Variants in PPM1E observed in about 807,000 individuals in gnomAD.
PPM1E encodes protein phosphatase, Mg2+/Mn2+ dependent 1E.
In PPM1E, 20 loss-of-function variants were observed where a neutral mutation model predicts 65.9. The observed-to-expected ratio is 0.30, with a 90% CI of 0.21 to 0.44. The LOEUF (loss-of-function observed/expected upper bound fraction) is 0.44, where lower values mean the gene tolerates loss of function less well. Among genes scored for constraint, PPM1E ranks in the 20% least tolerant of loss-of-function variants. The probability of loss-of-function intolerance (pLI) is 1.00; values close to 1 mark genes in which losing one functional copy is unlikely to be tolerated. For synonymous variants in PPM1E, 352 were observed against 374.9 expected (o/e 0.94, Z 0.70); for missense variants, 713 against 953.1 (o/e 0.75, Z 3.32).
intron 1 of PPM1E, among the ~76,000 whole-genome samples, chr17:58,886,704 A>G (rs1040892926): frequency 2.0e-5 from 3 of 152,264 alleles, no homozygotes; most frequent in African/African-American, 7.2e-5. Flanking sequence ...GTGGAATACT[A>G]CTAAGCAATT....
chr17:58,764,040 A>T (rs1047449356), intron 1 of PPM1E, among the ~76,000 whole-genome samples: 3 of 152,054 alleles, frequency 2.0e-5, no homozygotes, highest in African/African-American at 4.8e-5. Flanking sequence ...GAATTTAGTT[A>T]AAAAAACTTA....
chr17:58,797,703 A>T (rs1417696078), intron 1 of PPM1E, among the ~76,000 whole-genome samples: 1 of 152,188 alleles, frequency 6.6e-6, no homozygotes, highest in Non-Finnish European at 1.5e-5. Flanking sequence ...TTTTGTGGAC[A>T]TGGCTTGTAT....
chr17:58,981,595 TAA>T lies in PPM1E; in HGVS notation c.*567_*568del, dbSNP rs1183308680. The T allele has an allele frequency of 6.6e-6, 1 of 152,652 alleles. No individual in the cohort carries two copies. The highest frequency in any genetic ancestry group is 1.5e-5 in the Non-Finnish European group (1 of 68,074). The allele number at this position is 152,652 out of a possible 1,614,324, so 9.5% of individuals were successfully genotyped here. A position where few individuals can be genotyped will look rare whatever the true frequency, so the allele number is the denominator to read the frequency against. On this transcript the variant is annotated 3_prime_UTR_variant, in exon 7 of 7. Transcript: ENST00000308249. Reference sequence around the variant, plus strand: ...TAACAATGAAAGTGGTAAATCAGTGTAAAAGTGTCATATTCTCAGACTTGTGA... The same window carrying T: ...TAACAATGAAAGTGGTAAATCAGTGTAAGTGTCATATTCTCAGACTTGTGA...
At chr17:58,792,743 CTTTTTTTTTTT>C (rs780992600) in intron 1 of PPM1E, among the ~76,000 whole-genome samples, 57 of 76,376 alleles carry the variant, frequency 7.5e-4, no homozygotes, top group Middle Eastern at 9.6e-3. Context: ...GAATTTTACT[CTTTTTTTTTTT>C]TTTTTTTTTT....
At chr17:58,771,508 C>A (rs1418534031) in intron 1 of PPM1E, among the ~76,000 whole-genome samples, 1 of 151,548 alleles carries the variant, frequency 6.6e-6, no homozygotes, top group Non-Finnish European at 1.5e-5. Context: ...CCTGTTGTCC[C>A]AGCTACTCAG....
At chr17:58,824,897 T>G (rs546053896) in intron 1 of PPM1E, among the ~76,000 whole-genome samples, 1 of 151,978 alleles carries the variant, frequency 6.6e-6, no homozygotes, top group South Asian at 2.1e-4. Context: ...TGTGAGCCAC[T>G]GCGCCCAGCC....
intron 1 of PPM1E, among the ~76,000 whole-genome samples, chr17:58,904,811 A>G (rs1465780974): frequency 6.7e-6 from 1 of 149,834 alleles, no homozygotes; most frequent in African/African-American, 2.5e-5. Context: ...CCACTTATTC[A>G]TTGCTGGTGA....
intron 1 of PPM1E, among the ~76,000 whole-genome samples, chr17:58,930,536 A>G (rs1481034319): frequency 6.6e-6 from 1 of 152,230 alleles, no homozygotes; most frequent in Non-Finnish European, 1.5e-5. Flanking sequence ...ATTGCCGTGA[A>G]TAACATAAAA....
chr17:58,931,404 AAGGGAGGG>A lies in PPM1E; in HGVS notation c.465-24234_465-24227del, dbSNP rs551433560. Among the ~76,000 whole-genome samples, 677 of 145,406 alleles carry A rather than the reference AAGGGAGGG, an allele frequency of 4.7e-3. 4 individuals carry two copies. The highest frequency in any genetic ancestry group is 0.016 in the African/African-American group (641 of 40,104). On this transcript the variant is annotated intron_variant, in intron 1 of 6. Transcript: ENST00000308249. ...TACATCACAAAAAAAGGAAGGAAGG[AAGGGAGGG>A]AGGGAGGGAGAGAAGGAGGGAGGAA... is the stretch of plus-strand genomic sequence containing the variant.
At chr17:58,951,244 T>C (rs771062130) in intron 1 of PPM1E, 1 of 152,200 alleles carries the variant, frequency 6.6e-6, no homozygotes, top group Non-Finnish European at 1.5e-5. Flanking sequence ...AGCAGGAGGA[T>C]TGCCTGAGTC....
At chr17:58,967,949 G>A (rs1219997541) in intron 3 of PPM1E, among the ~76,000 whole-genome samples, 18 of 151,878 alleles carry the variant, frequency 1.2e-4, no homozygotes, top group African/African-American at 2.9e-4. Context: ...GAGTACAGGC[G>A]CGTGCCACCA....
At chr17:58,979,243 A>G (rs2031217945) in intron 6 of PPM1E, among the ~76,000 whole-genome samples, 1 of 152,212 alleles carries the variant, frequency 6.6e-6, no homozygotes, top group South Asian at 2.1e-4. Flanking sequence ...GTCTCTAAAT[A>G]TAAGAGAAAA....
At chr17:58,911,614 T>C (rs2051628044) in intron 1 of PPM1E, among the ~76,000 whole-genome samples, 1 of 152,234 alleles carries the variant, frequency 6.6e-6, no homozygotes, top group Non-Finnish European at 1.5e-5. Context: ...TTTGGTTTAT[T>C]GTTCTTGTTA....
chr17:58,966,033 A>G (rs925482491), intron 3 of PPM1E, 140 bp downstream of exon 3: 7 of 822,746 alleles, frequency 8.5e-6, no homozygotes, highest in Non-Finnish European at 1.3e-5. Context: ...GCAAAGTGGC[A>G]CAAATTTGCA....
At chr17:58,805,995 C>CAAAAAAAAAAAAAAAAAAAA (rs2050309804) in intron 1 of PPM1E, among the ~76,000 whole-genome samples, 1 of 70,682 alleles carries the variant, frequency 1.4e-5, no homozygotes, top group African/African-American at 6.3e-5. Context: ...CAAAACAAAA[C>CAAAAAAAAAAAAAAAAAAAA]AAAACAAAAA....
chr17:58,884,630 A>C (rs2143405917), intron 1 of PPM1E, among the ~76,000 whole-genome samples: 1 of 152,310 alleles, frequency 6.6e-6, no homozygotes, highest in Middle Eastern at 3.4e-3. Context: ...GAGAGACTGC[A>C]GTACATAGTA....
intron 1 of PPM1E, among the ~76,000 whole-genome samples, chr17:58,849,305 T>C (rs1050964640): frequency 1.3e-5 from 2 of 152,196 alleles, no homozygotes; most frequent in African/African-American, 4.8e-5. Flanking sequence ...ATTTCTTGCC[T>C]TCTGCTAGCT....
At chr17:58,920,284 A>C (rs903187437) in intron 1 of PPM1E, among the ~76,000 whole-genome samples, 6 of 152,212 alleles carry the variant, frequency 3.9e-5, no homozygotes, top group Admixed American at 3.3e-4. Context: ...ATCTACACAG[A>C]CAATCCTCCA....
chr17:58,894,217 G>T (rs534212129), intron 1 of PPM1E, among the ~76,000 whole-genome samples: 152 of 152,234 alleles, frequency 1.0e-3, no homozygotes, highest in Middle Eastern at 6.8e-3. Context: ...CAGCTCCTGG[G>T]TTCAAGCAAT....
Sources: gnomAD v4.1 joint callset for allele counts (sites outside exome capture counted in the v4.1 genomes callset) on GRCh38, gnomAD v4.1.1 for gene constraint, MANE v1.5 for transcripts, NCBI Gene and HGNC (gene_info 2026-07-23, HGNC 2026-07-21) for gene names.